Variants in ABCB4 observed in about 807,000 individuals in gnomAD.
ABCB4 encodes the protein phosphatidylcholine translocator ABCB4.
Under a neutral mutation model 145.7 loss-of-function variants are expected in ABCB4, and 76 were observed. The ratio of observed to expected loss-of-function variants is 0.52; its 90% CI spans 0.43 to 0.63. The LOEUF (loss-of-function observed/expected upper bound fraction) is 0.63, where lower values mean the gene tolerates loss of function less well. ABCB4 is among the 30% of genes least tolerant of loss of function. ABCB4 has a pLI of 0.00. For missense variants in ABCB4, 1,234 were observed against 1,553.1 expected (o/e 0.79, Z 3.45); for synonymous variants, 517 against 566.8 (o/e 0.91, Z 1.25).
At chr7:87,434,343 C>T (rs903231712) in intron 14 of ABCB4, among the ~76,000 whole-genome samples, 4 of 152,010 alleles carry the variant, frequency 2.6e-5, no homozygotes, top group Non-Finnish European at 2.9e-5. Flanking sequence ...AGTCAAAATA[C>T]AAAATCTGCT....
chr7:87,392,644 G>T, the ABCB4 span: 1 of 1,612,542 alleles, frequency 6.2e-7, no homozygotes, highest in Non-Finnish European at 8.5e-7. Flanking sequence ...AGCTGGAAAA[G>T]GTACTTAAGT....
chr7:87,450,239 C>T (rs1811622080), intron 7 of ABCB4, 147 bp from the exon 8 acceptor site: 1 of 1,145,808 alleles, frequency 8.7e-7, no homozygotes, highest in Non-Finnish European at 1.3e-6. Context: ...GTTCTGGATC[C>T]AATGGCTGCG....
intron 16 of ABCB4, among the ~76,000 whole-genome samples, chr7:87,425,039 G>A (rs764807026): frequency 6.6e-6 from 1 of 151,398 alleles, no homozygotes; most frequent in Non-Finnish European, 1.5e-5. Context: ...TGTATTTCAG[G>A]GTTTTTTTTT....
chr7:87,440,136 T>G, intron 13 of ABCB4, 63 bp downstream of exon 13: 1 of 1,537,152 alleles, frequency 6.5e-7, no homozygotes. Context: ...CTTTGAAGAA[T>G]AAACTCAGTC....
At chr7:87,444,788 T>C (rs1236503937) in intron 10 of ABCB4, 74 bp downstream of exon 10, 1 of 1,124,096 alleles carries the variant, frequency 8.9e-7, no homozygotes, top group African/African-American at 1.5e-5. Flanking sequence ...GATTCAAAAA[T>C]ATGCAAACTA....
chr7:87,455,852 A>G (rs906790680), intron 4 of ABCB4, among the ~76,000 whole-genome samples: 1 of 152,082 alleles, frequency 6.6e-6, no homozygotes, highest in African/African-American at 2.4e-5. Context: ...TCTTTTTCCA[A>G]AGAAAGATAA....
At chr7:87,455,783 T>C (rs575443485) in intron 4 of ABCB4, among the ~76,000 whole-genome samples, 1 of 149,630 alleles carries the variant, frequency 6.7e-6, no homozygotes, top group African/African-American at 2.5e-5. Context: ...TCCTTTGCCA[T>C]GTGTAAATAG....
At chr7:87,427,873 C>T (rs2116574096) in intron 15 of ABCB4, among the ~76,000 whole-genome samples, 1 of 152,282 alleles carries the variant, frequency 6.6e-6, no homozygotes, top group South Asian at 2.1e-4. Flanking sequence ...TTGCTCATTA[C>T]TGAATCAGTT....
Position 87,444,962 on chromosome 7 carries a change from A to T in ABCB4, c.1019T>A (p.Ile340Asn). The T allele has an allele frequency of 6.2e-7, 1 of 1,602,126 alleles. No individual in the cohort carries two copies. Among genetic ancestry groups the T allele is most frequent in the Non-Finnish European group, 8.5e-7 (1 of 1,178,888 alleles). Residue 340 changes from isoleucine (I) to asparagine (N), a missense_variant, in exon 10 of 28, where the codon ATC (isoleucine) becomes AAC (asparagine). Ile to Asn is a moderately radical substitution (Grantham distance 149, BLOSUM62 -3). Transcript: ENST00000649586. Reference protein sequence around the residue: ...IGNAMTVFFSILIGAFSVGQA... With the variant: ...IGNAMTVFFSNLIGAFSVGQA... Reference sequence around the variant, plus strand: ...GCCAACACTGAAAGCTCCAATTAGGATTGAAAAAAAAACCTGAGCAAAATA... The same window carrying T: ...GCCAACACTGAAAGCTCCAATTAGGTTTGAAAAAAAAACCTGAGCAAAATA...
chr7:87,415,231 C>G (rs1808885245), intron 21 of ABCB4, among the ~76,000 whole-genome samples: 1 of 151,928 alleles, frequency 6.6e-6, no homozygotes, highest in Non-Finnish European at 1.5e-5. Flanking sequence ...TGCCCAGTAA[C>G]CAACACCCTC....
chr7:87,427,964 C>T (rs1188028107), intron 15 of ABCB4, among the ~76,000 whole-genome samples: 1 of 152,234 alleles, frequency 6.6e-6, no homozygotes, highest in African/African-American at 2.4e-5. Flanking sequence ...CATCTGTTCC[C>T]ACACTGCTAC....
chr7:87,460,846 G>A (rs1488345284), intron 4 of ABCB4, among the ~76,000 whole-genome samples: 1 of 151,896 alleles, frequency 6.6e-6, no homozygotes, highest in Non-Finnish European at 1.5e-5. Context: ...TAACTGAGGT[G>A]TCTTAATATG....
At chr7:87,415,727 A>G (rs1808925540) in intron 21 of ABCB4, among the ~76,000 whole-genome samples, 1 of 152,208 alleles carries the variant, frequency 6.6e-6, no homozygotes, top group African/African-American at 2.4e-5. Flanking sequence ...GACCAAAGCT[A>G]ATAACCCAAG....
At position 87,443,313 on chromosome 7, in the gene ABCB4, A is replaced by G. The variant is rs1473882034; in HGVS notation, c.1356+6T>C. ...CACTCTGGAAAGCTTGGTTCTTCCC[A>G]CTTACTGTGCCCTCATCAGGGTCAT... On this transcript the variant is annotated splice_donor_region_variant and intron_variant, in intron 12 of 27. Transcript: ENST00000649586. 1.2e-6 allele frequency: 2 copies of G among 1,613,898 alleles called. No individual in the cohort carries two copies. Among genetic ancestry groups the G allele is most frequent in the Non-Finnish European group, 8.5e-7 (1 of 1,179,916 alleles).
Position 87,406,429 on chromosome 7 carries a change from C to G in ABCB4, c.3345G>C (p.Val1115=). 6.2e-7 allele frequency: 1 copy of G among 1,613,962 alleles called. No individual in the cohort carries two copies. Among genetic ancestry groups the G allele is most frequent in the Non-Finnish European group, 8.5e-7 (1 of 1,180,018 alleles). The part of the protein sequence containing the change: ...VQWLRAQLGI[V]SQEPILFDCS... ...AGTCAAATAGGATAGGCTCCTGAGA[C>G]ACGATTCCGAGTTGAGCTCTGAGCC... Residue 1115 remains valine (V), a synonymous_variant, in exon 26 of 28, where the codon GTG becomes GTC. Transcript: ENST00000649586.
At chr7:87,468,859 A>G (rs1813128733) in intron 3 of ABCB4, among the ~76,000 whole-genome samples, 1 of 151,944 alleles carries the variant, frequency 6.6e-6, no homozygotes, top group African/African-American at 2.4e-5. Context: ...TGAACCCGGG[A>G]GGCGCAGCTT....
downstream of ABCB4, chr7:87,398,843 C>T (rs17149512): frequency 0.071 from 40,338 of 570,002 alleles, 1,830 homozygotes; most frequent in South Asian, 0.15. Context: ...TATTTTTAAG[C>T]TCCTCTGATG....
the ABCB4 span, among the ~76,000 whole-genome samples, chr7:87,389,922 T>C: frequency 6.6e-6 from 1 of 152,306 alleles, no homozygotes; most frequent in African/African-American, 2.4e-5. Context: ...ATAGAAGATA[T>C]GTTCAAATCA....
intron 3 of ABCB4, among the ~76,000 whole-genome samples, chr7:87,470,198 C>T: frequency 6.6e-6 from 1 of 152,194 alleles, no homozygotes; most frequent in Non-Finnish European, 1.5e-5. Context: ...CCCTTCCTTA[C>T]ACCTTATACA....
Sources: allele counts gnomAD v4.1 joint callset (sites outside exome capture counted in the v4.1 genomes callset), GRCh38; gene constraint gnomAD v4.1.1; transcripts MANE v1.5; gene names NCBI Gene and HGNC (gene_info 2026-07-23, HGNC 2026-07-21).